Variants in PSKH2 observed in about 807,000 individuals in gnomAD.
PSKH2 encodes serine/threonine-protein kinase H2.
Under a neutral mutation model 22.5 loss-of-function variants are expected in PSKH2, and 16 were observed. That is an observed-to-expected ratio of 0.71 (90% CI 0.48 to 1.08). The LOEUF (loss-of-function observed/expected upper bound fraction) is 1.08, where lower values mean the gene tolerates loss of function less well. Among genes scored for constraint, PSKH2 ranks in the 50% least tolerant of loss-of-function variants. The probability of loss-of-function intolerance (pLI) is 0.00; values close to 1 mark genes in which losing one functional copy is unlikely to be tolerated. For synonymous variants in PSKH2, 188 were observed against 184.8 expected, an observed-to-expected ratio of 1.02 and a Z score of -0.14; for missense variants, 516 against 492.8, an observed-to-expected ratio of 1.05 and a Z score of -0.44.
chr8:86,069,894 C>A (rs73255263), upstream of PSKH2, among the ~76,000 whole-genome samples: 2 of 152,162 alleles, frequency 1.3e-5, no homozygotes, highest in African/African-American at 4.8e-5. Context: ...CTGGGCTTCA[C>A]TTTCTGCATC....
At chr8:86,055,749 G>C (rs1009686691) in intron 2 of PSKH2, among the ~76,000 whole-genome samples, 1 of 152,110 alleles carries the variant, frequency 6.6e-6, no homozygotes, top group Non-Finnish European at 1.5e-5. Flanking sequence ...AACCTGAATG[G>C]AGAACAAGAG....
intron 2 of PSKH2, among the ~76,000 whole-genome samples, chr8:86,059,453 G>A (rs576516868): frequency 6.6e-6 from 1 of 152,284 alleles, no homozygotes; most frequent in East Asian, 1.9e-4. Context: ...GGCTCTAGGG[G>A]AAAATGCATT....
intron 2 of PSKH2, among the ~76,000 whole-genome samples, chr8:86,054,902 C>A (rs1249898571): frequency 6.6e-6 from 1 of 152,120 alleles, no homozygotes; most frequent in Admixed American, 6.5e-5. Flanking sequence ...TGAGCACCTA[C>A]TATTTTTCAA....
chr8:86,058,946 A>T (rs202058782), intron 2 of PSKH2, among the ~76,000 whole-genome samples: 7 of 138,718 alleles, frequency 5.0e-5, no homozygotes, highest in Non-Finnish European at 1.6e-5. Context: ...ATTTTATTTT[A>T]TTTATTTTTT....
At chr8:86,053,453 G>A (rs932749795) in intron 2 of PSKH2, among the ~76,000 whole-genome samples, 1 of 152,080 alleles carries the variant, frequency 6.6e-6, no homozygotes, top group African/African-American at 2.4e-5. Context: ...ATCACTTTGT[G>A]TACTATAGAC....
At chr8:86,048,817 TACACAA>T (rs1817570333) in intron 2 of PSKH2, 50 bp from the exon 3 acceptor site, 1 of 1,402,258 alleles carries the variant, frequency 7.1e-7, no homozygotes, top group South Asian at 1.4e-5. Context: ...AATGGAAATA[TACACAA>T]ACACAAAGAA....
At chr8:86,057,062 G>A (rs987334176) in intron 2 of PSKH2, among the ~76,000 whole-genome samples, 1 of 151,830 alleles carries the variant, frequency 6.6e-6, no homozygotes, top group Admixed American at 6.6e-5. Flanking sequence ...AGGACTATAG[G>A]CACATGTCAC....
In PSKH2 at chr8:86,063,972, GTATAAT is replaced by G; in HGVS notation, c.839_844del (p.Asn280_Tyr281del). ...AAAATAATGCTCTCTTACCTCTCCT[GTATAAT>G]TATATTTGCCTTTCAGAATCTTCCT... On this transcript the variant is annotated inframe_deletion, in exon 2 of 3. Coordinates refer to ENST00000276616, the MANE Select transcript of PSKH2 (RefSeq NM_033126.3). The G allele has an allele frequency of 6.2e-7, 1 of 1,611,314 alleles. No homozygotes were observed. The highest frequency in any genetic ancestry group is 1.7e-5 in the Admixed American group (1 of 59,764).
chr8:86,050,966 C>T (rs536433704), intron 2 of PSKH2, among the ~76,000 whole-genome samples: 1 of 152,164 alleles, frequency 6.6e-6, no homozygotes, highest in South Asian at 2.1e-4. Context: ...TGGACTTGAA[C>T]TCCTCCTGGT....
chr8:86,047,806 T>G lies in PSKH2; in HGVS notation c.*656A>C, dbSNP rs939190890. On this transcript the variant is annotated 3_prime_UTR_variant, in exon 3 of 3. Coordinates refer to ENST00000276616, the MANE Select transcript of PSKH2 (RefSeq NM_033126.3). ...AAGAAGCAAGATGTTTATATTTTTT[T>G]GTAAACCCTGGTGGTTGATGAATGC... 1.3e-5 allele frequency among the ~76,000 whole-genome samples: 2 copies of G among 151,786 alleles called. No homozygotes were observed. Among genetic ancestry groups the G allele is most frequent in the Non-Finnish European group, 2.9e-5 (2 of 67,958 alleles).
chr8:86,069,678 C>G (rs1412294453), upstream of PSKH2: 4 of 1,443,618 alleles, frequency 2.8e-6, no homozygotes, highest in South Asian at 2.9e-5. Flanking sequence ...CAGCCAGCCC[C>G]GTTCCTCCGC....
intron 2 of PSKH2, among the ~76,000 whole-genome samples, chr8:86,051,879 G>A (rs891954785): frequency 7.2e-5 from 11 of 152,328 alleles, no homozygotes; most frequent in African/African-American, 2.4e-4. Flanking sequence ...ATTCAAACAT[G>A]AGTTATAAAT....
In PSKH2 at chr8:86,069,420, C is replaced by A; in HGVS notation, c.185+18G>T. 1 of 1,557,968 alleles carries A rather than the reference C, an allele frequency of 6.4e-7. No homozygotes were observed. Among genetic ancestry groups the A allele is most frequent in the Non-Finnish European group, 8.7e-7 (1 of 1,153,078 alleles). The stretch of plus-strand genomic sequence containing the variant: ...TTGTCAGCCCAGTCCCAGGCCAGTT[C>A]CTCACGTGGCGCTTTACCTGGCAAG... On this transcript the variant is annotated intron_variant, in intron 1 of 2. Transcript: ENST00000276616.
upstream of PSKH2, chr8:86,069,676 C>T: frequency 6.9e-7 from 1 of 1,448,482 alleles, no homozygotes. Context: ...AGCAGCCAGC[C>T]CCGTTCCTCC....
At chr8:86,061,298 A>C (rs1046883501) in intron 2 of PSKH2, among the ~76,000 whole-genome samples, 2 of 152,190 alleles carry the variant, frequency 1.3e-5, no homozygotes, top group Non-Finnish European at 2.9e-5. Flanking sequence ...AACTGACCTT[A>C]GGAACTCTCT....
chr8:86,067,173 G>A (rs1817877388), intron 1 of PSKH2, among the ~76,000 whole-genome samples: 1 of 152,036 alleles, frequency 6.6e-6, no homozygotes, highest in South Asian at 2.1e-4. Flanking sequence ...AAAAATGCTA[G>A]TAATTTGGCA....
At chr8:86,065,668 C>T (rs1000854122) in intron 1 of PSKH2, among the ~76,000 whole-genome samples, 5 of 151,980 alleles carry the variant, frequency 3.3e-5, no homozygotes, top group Admixed American at 6.6e-5. Context: ...TCTGTGTAAA[C>T]GTCTATTAAA....
At chr8:86,068,210 G>T (rs1425062988) in intron 1 of PSKH2, among the ~76,000 whole-genome samples, 1 of 152,206 alleles carries the variant, frequency 6.6e-6, no homozygotes, top group East Asian at 1.9e-4. Context: ...TTCTCAAGGA[G>T]GCCAGGAAAT....
chr8:86,049,882 G>A (rs1183229748), intron 2 of PSKH2, among the ~76,000 whole-genome samples: 1 of 65,614 alleles, frequency 1.5e-5, no homozygotes, highest in Non-Finnish European at 3.7e-5. Flanking sequence ...AGGGAGGGAG[G>A]GAAGGAAGGA....
Sources: gnomAD v4.1 joint callset for allele counts (sites outside exome capture counted in the v4.1 genomes callset) on GRCh38, gnomAD v4.1.1 for gene constraint, MANE v1.5 for transcripts, NCBI Gene and HGNC (gene_info 2026-07-23, HGNC 2026-07-21) for gene names.